The following TMPRSS3 variants were observed in gnomAD, a reference collection of about 807,000 sequenced individuals.
The protein encoded by TMPRSS3 is transmembrane protease serine 3.
In TMPRSS3, 55 loss-of-function variants were observed where a neutral mutation model predicts 59.6. The observed-to-expected ratio is 0.92, with a 90% CI of 0.74 to 1.16. TMPRSS3 has a LOEUF of 1.16. Among genes scored for constraint, TMPRSS3 ranks in the 50% most tolerant of loss-of-function variants. The pLI is 0.00. For synonymous variants in TMPRSS3, 257 were observed against 237.7 expected, an observed-to-expected ratio of 1.08 and a Z score of -0.75; for missense variants, 596 against 579.4, an observed-to-expected ratio of 1.03 and a Z score of -0.29.
chr21:42,387,000 A>T (rs921864690), intron 5 of TMPRSS3, among the ~76,000 whole-genome samples: 1 of 152,180 alleles, frequency 6.6e-6, no homozygotes, highest in Non-Finnish European at 1.5e-5. Context: ...GGGACATCGC[A>T]TTCCCTGGAT....
chr21:42,387,275 A>G (rs1242385632), intron 5 of TMPRSS3, among the ~76,000 whole-genome samples: 1 of 152,044 alleles, frequency 6.6e-6, no homozygotes, highest in Non-Finnish European at 1.5e-5. Context: ...GAGAGAAGAG[A>G]AAAGGAGGCC....
intron 2 of TMPRSS3, among the ~76,000 whole-genome samples, chr21:42,391,507 A>C (rs1035252270): frequency 4.6e-5 from 7 of 152,202 alleles, no homozygotes; most frequent in African/African-American, 1.7e-4. Flanking sequence ...TTTACTGTCC[A>C]GTTTAACAAA....
At chr21:42,383,623 C>T (rs1028749949) in intron 7 of TMPRSS3, 18 of 534,528 alleles carry the variant, frequency 3.4e-5, no homozygotes, top group African/African-American at 1.9e-4. Context: ...CTGCCAGGAA[C>T]GAGGGGCACT....
intron 2 of TMPRSS3, among the ~76,000 whole-genome samples, chr21:42,391,850 C>G (rs1280724144): frequency 6.6e-6 from 1 of 152,152 alleles, no homozygotes; most frequent in African/African-American, 2.4e-5. Context: ...AGTTCTTGCC[C>G]CTAGAACCAG....
At chr21:42,392,137 C>T (rs1039958330) in intron 2 of TMPRSS3, among the ~76,000 whole-genome samples, 1 of 152,188 alleles carries the variant, frequency 6.6e-6, no homozygotes, top group Non-Finnish European at 1.5e-5. Context: ...TTCTCCTAGT[C>T]TTGGACATGT....
intron 3 of TMPRSS3, 122 bp from the exon 4 acceptor site, chr21:42,389,167 G>A: frequency 1.3e-6 from 2 of 1,538,392 alleles, no homozygotes; most frequent in Non-Finnish European, 1.7e-6. Flanking sequence ...TATTGAAATT[G>A]CGTCCCTGTC....
intron 9 of TMPRSS3, 44 bp from the exon 10 acceptor site, chr21:42,380,256 A>T: frequency 6.6e-7 from 1 of 1,518,560 alleles, no homozygotes. Flanking sequence ...TTGAAGCAGG[A>T]GTCCGAGAAA....
rs1209447345 is a variant in TMPRSS3, at chr21:42,381,796, T to TGTAG, written c.952+265_952+268dup. 3 of 594,034 alleles carry TGTAG rather than the reference T, an allele frequency of 5.1e-6. No homozygotes were observed. In the African/African-American group the frequency reaches 5.6e-5, roughly 11 times the overall value. The allele number at this position is 594,034 out of a possible 1,614,324, so 36.8% of individuals were successfully genotyped here. Reference sequence around the variant, plus strand: ...CATTTAAACAGGGTAACATTGAAAATGTAGGTAGGACTCAAGTCTGCAAAC... The same window carrying TGTAG: ...CATTTAAACAGGGTAACATTGAAAATGTAGGTAGGTAGGACTCAAGTCTGCAAAC... On this transcript the variant is annotated intron_variant, in intron 9 of 12. Transcript: ENST00000644384.
At chr21:42,373,468 C>G (rs969603802) in intron 12 of TMPRSS3, among the ~76,000 whole-genome samples, 7 of 152,212 alleles carry the variant, frequency 4.6e-5, no homozygotes, top group African/African-American at 1.7e-4. Flanking sequence ...AGCTTCACCA[C>G]AACAGGGGAA....
At chr21:42,377,203 A>G (rs1007100451) in intron 10 of TMPRSS3, among the ~76,000 whole-genome samples, 1 of 152,194 alleles carries the variant, frequency 6.6e-6, no homozygotes, top group Non-Finnish European at 1.5e-5. Context: ...GCATTGAGGG[A>G]CAGGCCTTGA....
chr21:42,377,099 T>G (rs1461718081), intron 10 of TMPRSS3, among the ~76,000 whole-genome samples: 1 of 152,226 alleles, frequency 6.6e-6, no homozygotes, highest in Non-Finnish European at 1.5e-5. Context: ...AACTCTGGGA[T>G]GGTCAGCAGA....
intron 2 of TMPRSS3, among the ~76,000 whole-genome samples, chr21:42,394,179 G>A (rs2052769400): frequency 6.6e-6 from 1 of 151,884 alleles, no homozygotes; most frequent in Non-Finnish European, 1.5e-5. Flanking sequence ...CCACTACTTA[G>A]TCATAGCAAA....
Position 42,388,869 on chromosome 21 carries a change from G to A in TMPRSS3, c.322+60C>T. The A allele has an allele frequency of 1.4e-6, 2 of 1,408,774 alleles. No individual in the cohort carries two copies. The highest frequency in any genetic ancestry group is 1.4e-5 in the African/African-American group (1 of 70,986). The allele number at this position is 1,408,774 out of a possible 1,614,324, so 87.3% of individuals were successfully genotyped here. A position where few individuals can be genotyped will look rare whatever the true frequency, so the allele number is the denominator to read the frequency against. On this transcript the variant is annotated intron_variant, in intron 4 of 12. Transcript: ENST00000644384. This position sits in a 1 kb window ranked among gnomAD's most constrained non-coding sequence, Gnocchi z 5.1. ...TTGGACCCATTTTACAGATGGGAAG[G>A]GTCAGGGTTGGCTTCTGCTGCTTCC...
chr21:42,376,442 A>G, intron 11 of TMPRSS3, 99 bp downstream of exon 11: 2 of 1,550,098 alleles, frequency 1.3e-6, no homozygotes, highest in African/African-American at 2.7e-5. Flanking sequence ...ACGCCCTGTA[A>G]ATTTACTTTT....
At chr21:42,385,053 C>T (rs1456687883) in intron 6 of TMPRSS3, among the ~76,000 whole-genome samples, 2 of 137,184 alleles carry the variant, frequency 1.5e-5, no homozygotes, top group East Asian at 4.2e-4. Context: ...CCCTCCCTTC[C>T]TTCCTCCCTC....
intron 12 of TMPRSS3, among the ~76,000 whole-genome samples, chr21:42,373,663 T>TTTTTTA: frequency 6.6e-6 from 1 of 152,040 alleles, no homozygotes; most frequent in East Asian, 1.9e-4. Context: ...TTGATTCTGC[T>TTTTTTA]GTGCAGTCAC....
Position 42,375,766 on chromosome 21 carries a change from C to T in TMPRSS3, c.1294G>A (p.Val432Met), listed in dbSNP as rs1053811618. ...IGCAEVNKPG[V>M]YTRVTSFLDW... ...AGGAAGGAGGTGACACGGGTGTACA[C>T]CCCAGGCTTGTTCACCTCTGCGCAG... The change falls in exon 12 of 13, where the codon GTG (valine) becomes ATG (methionine). Residue 432 changes from valine to methionine, a missense_variant. Coordinates refer to ENST00000644384, the MANE Select transcript of TMPRSS3 (RefSeq NM_001256317.3). 1.9e-6 allele frequency: 3 copies of T among 1,613,674 alleles called. No homozygotes were observed. The highest frequency in any genetic ancestry group is 2.5e-6 in the Non-Finnish European group (3 of 1,180,046).
rs777713337 is a variant in TMPRSS3, at chr21:42,385,407, A to G, written c.572+2T>C. ...AGACAACAGCATCGCCTGACCACCT[A>G]CCTCACATATACTGAGTGGTGTAAT... On this transcript the variant is annotated splice_donor_variant, in intron 6 of 12. Coordinates refer to ENST00000644384, the MANE Select transcript of TMPRSS3 (RefSeq NM_001256317.3). LOFTEE classifies it high-confidence loss of function. The G allele has an allele frequency of 3.7e-6, 6 of 1,613,830 alleles. No homozygotes were observed. The African/African-American group carries it at 5.3e-5, about 14-fold the overall frequency.
intron 5 of TMPRSS3, among the ~76,000 whole-genome samples, chr21:42,387,371 A>AGTGTGTGTGTGT (rs59669731): frequency 0.017 from 2,559 of 147,174 alleles, 47 homozygotes; most frequent in African/African-American, 0.043. Flanking sequence ...AGCTGTGTGC[A>AGTGTGTGTGTGT]GTGTGTGTGT....
Sources: gnomAD v4.1 joint callset for allele counts (sites outside exome capture counted in the v4.1 genomes callset) on GRCh38, gnomAD v4.1.1 for gene constraint, Gnocchi (gnomAD v3.1) non-coding constraint, MANE v1.5 for transcripts, NCBI Gene and HGNC (gene_info 2026-07-23, HGNC 2026-07-21) for gene names.